The following SCTR variants were observed in gnomAD, a reference collection of about 807,000 sequenced individuals.
SCTR encodes pancreatic secretin receptor.
SCTR carries 56 observed loss-of-function variants against 60.8 expected under a neutral mutation model. The observed-to-expected ratio is 0.92, with a 90% CI of 0.74 to 1.15. The LOEUF is 1.15. Ranked by LOEUF, SCTR falls within the 50% of genes most tolerant of loss-of-function variation. SCTR has a pLI of 0.00. For synonymous variants in SCTR, 202 were observed against 217.0 expected, an observed-to-expected ratio of 0.93 and a Z score of 0.61; for missense variants, 562 against 550.4, an observed-to-expected ratio of 1.02 and a Z score of -0.21.
At chr2:119,482,152 G>A (rs1183511651) in intron 2 of SCTR, among the ~76,000 whole-genome samples, 1 of 152,230 alleles carries the variant, frequency 6.6e-6, no homozygotes, top group African/African-American at 2.4e-5. Flanking sequence ...GCTGCCAAGT[G>A]CCCTCCTTGT....
chr2:119,505,452 C>T (rs1678707236), intron 1 of SCTR, among the ~76,000 whole-genome samples: 1 of 150,498 alleles, frequency 6.6e-6, no homozygotes, highest in South Asian at 2.1e-4. Context: ...TGCACATGTA[C>T]CCTAAAATTT....
intron 7 of SCTR, among the ~76,000 whole-genome samples, chr2:119,453,887 T>C (rs909483261): frequency 6.6e-6 from 1 of 152,208 alleles, no homozygotes; most frequent in African/African-American, 2.4e-5. Context: ...GGACTAGAGA[T>C]GAGATCAAGT....
intron 4 of SCTR, among the ~76,000 whole-genome samples, chr2:119,472,007 A>G (rs995098749): frequency 6.6e-6 from 1 of 152,224 alleles, no homozygotes; most frequent in African/African-American, 2.4e-5. Flanking sequence ...GGCACCTCAT[A>G]GGTGCCAAGC....
chr2:119,486,171 G>A (rs1266251050), intron 2 of SCTR: 1 of 152,090 alleles, frequency 6.6e-6, no homozygotes, highest in Non-Finnish European at 1.5e-5. Flanking sequence ...TGTTTGATGG[G>A]ATGAACTATC....
rs2587678 is a variant in SCTR, at chr2:119,488,849, T to C, written c.193+5579A>G. Among the ~76,000 whole-genome samples the C allele has an allele frequency of 4.6e-3, 707 of 152,304 alleles. 3 individuals are homozygous for C. Among genetic ancestry groups the C allele is most frequent in the African/African-American group, 0.016 (663 of 41,572 alleles). ...TTTTCCCCACTTTAAAATGGGCACA[T>C]TGAGGAGTGGGGAGAATCCTCTAGC... On this transcript the variant is annotated intron_variant, in intron 2 of 12. Transcript: ENST00000019103.
chr2:119,475,075 A>G (rs1480359632), intron 3 of SCTR, among the ~76,000 whole-genome samples: 1 of 152,242 alleles, frequency 6.6e-6, no homozygotes, highest in East Asian at 1.9e-4. Context: ...GGTGCCAGGC[A>G]CAGAGCGGGC....
rs540455397 is a variant in SCTR, at chr2:119,497,596, AAAGG to A, written c.73-3052_73-3049del. Among the ~76,000 whole-genome samples the A allele has an allele frequency of 3.7e-4, 56 of 151,316 alleles. No homozygotes were observed. In the South Asian group the frequency reaches 5.8e-3, roughly 16 times the overall value. ...TACAAACATCAGCAAAAAGGAAAGG[AAAGG>A]AAGGAAGGAAGGAAGGCAGGAAGGC... On this transcript the variant is annotated intron_variant, in intron 1 of 12. Transcript: ENST00000019103.
intron 1 of SCTR, among the ~76,000 whole-genome samples, chr2:119,502,985 AC>A (rs1160782733): frequency 5.2e-5 from 3 of 57,294 alleles, no homozygotes; most frequent in Non-Finnish European, 1.4e-4. Context: ...CCTCATCTCT[AC>A]TAAAAAAAAA....
At chr2:119,468,378 C>T (rs1318152501) in intron 4 of SCTR, among the ~76,000 whole-genome samples, 1 of 152,176 alleles carries the variant, frequency 6.6e-6, no homozygotes, top group African/African-American at 2.4e-5. Context: ...GGCTTCAGAG[C>T]CAGGAGACAA....
At chr2:119,446,380 C>G (rs1682925382) in intron 11 of SCTR, among the ~76,000 whole-genome samples, 1 of 152,168 alleles carries the variant, frequency 6.6e-6, no homozygotes, top group Admixed American at 6.5e-5. Flanking sequence ...TGTTCTCTTC[C>G]AAACACCCGC....
chr2:119,513,182 G>T (rs1362167737), intron 1 of SCTR, among the ~76,000 whole-genome samples: 1 of 152,202 alleles, frequency 6.6e-6, no homozygotes, highest in Non-Finnish European at 1.5e-5. Context: ...CCTGCTACAG[G>T]CATTGAGGTT....
intron 4 of SCTR, among the ~76,000 whole-genome samples, chr2:119,473,147 C>T (rs1342340918): frequency 6.6e-6 from 1 of 152,198 alleles, no homozygotes; most frequent in Non-Finnish European, 1.5e-5. Context: ...CATTTAGCCA[C>T]TATGTTAGCG....
At chr2:119,454,895 T>A (rs1018451528) in intron 7 of SCTR, among the ~76,000 whole-genome samples, 1 of 152,150 alleles carries the variant, frequency 6.6e-6, no homozygotes, top group African/African-American at 2.4e-5. Flanking sequence ...CCAATTTTTA[T>A]ATTGATTATA....
chr2:119,520,809 G>T (rs975331384), intron 1 of SCTR, among the ~76,000 whole-genome samples: 2 of 152,154 alleles, frequency 1.3e-5, no homozygotes, highest in African/African-American at 4.8e-5. Context: ...TGACTCAGAT[G>T]CCGTATCACC....
intron 1 of SCTR, among the ~76,000 whole-genome samples, chr2:119,514,797 G>C (rs1485810937): frequency 1.3e-5 from 2 of 152,066 alleles, no homozygotes; most frequent in African/African-American, 4.8e-5. Flanking sequence ...AGAATCTCTT[G>C]AACCCGGGAG....
chr2:119,478,995 C>T lies in SCTR; in HGVS notation c.194-77G>A. 1.9e-6 allele frequency: 3 copies of T among 1,582,208 alleles called. No homozygotes were observed. In the South Asian group the frequency reaches 3.5e-5, roughly 18 times the overall value. On this transcript the variant is annotated intron_variant, in intron 2 of 12. Coordinates refer to ENST00000019103, the MANE Select transcript of SCTR (RefSeq NM_002980.3). Reference sequence around the variant, plus strand: ...CCTACCATCCTGTCCACATCACCGACACCCTTGCCTGCCTGGAATTCCCAC... The same window carrying T: ...CCTACCATCCTGTCCACATCACCGATACCCTTGCCTGCCTGGAATTCCCAC...
At chr2:119,451,594 G>A (rs1683172284) in intron 9 of SCTR, among the ~76,000 whole-genome samples, 1 of 152,060 alleles carries the variant, frequency 6.6e-6, no homozygotes, top group Admixed American at 6.5e-5. Context: ...TCCCCGATCT[G>A]CACTCCCACC....
intron 1 of SCTR, among the ~76,000 whole-genome samples, chr2:119,498,600 G>A (rs1678430584): frequency 6.6e-6 from 1 of 152,028 alleles, no homozygotes; most frequent in African/African-American, 2.4e-5. Context: ...GGATGATAAA[G>A]GGACAAAAAT....
intron 1 of SCTR, among the ~76,000 whole-genome samples, chr2:119,506,421 A>G (rs185101211): frequency 6.6e-6 from 1 of 152,138 alleles, no homozygotes; most frequent in East Asian, 1.9e-4. Flanking sequence ...ATTACATACT[A>G]TATTATTCCA....
Sources: allele counts gnomAD v4.1 joint callset (sites outside exome capture counted in the v4.1 genomes callset), GRCh38; gene constraint gnomAD v4.1.1; transcripts MANE v1.5; gene names NCBI Gene and HGNC (gene_info 2026-07-23, HGNC 2026-07-21).